APBA2: variants seen among roughly 807,000 people sequenced by gnomAD.
APBA2 encodes the protein amyloid beta precursor protein binding family A member 2, also known as amyloid-beta A4 precursor protein-binding family A member 2.
A neutral mutation model predicts 75.0 loss-of-function variants in APBA2; 30 were observed. That is an observed-to-expected ratio of 0.40 (90% confidence interval 0.30 to 0.54). The LOEUF is 0.54. Among genes scored for constraint, APBA2 ranks in the 20% least tolerant of loss-of-function variants. APBA2 has a pLI of 0.49. For missense variants in APBA2, 801 were observed against 1,016.1 expected, an observed-to-expected ratio of 0.79 and a Z score of 2.88; for synonymous variants, 444 against 409.6, an observed-to-expected ratio of 1.08 and a Z score of -1.01.
intron 3 of APBA2, among the ~76,000 whole-genome samples, chr15:29,032,260 G>A (rs1357662794): frequency 6.6e-6 from 1 of 152,218 alleles, no homozygotes; most frequent in Non-Finnish European, 1.5e-5. Context: ...ATGTTGCTGG[G>A]AAGGTAATTT....
At chr15:28,976,128 G>C (rs1260376409) in intron 2 of APBA2, among the ~76,000 whole-genome samples, 1 of 152,144 alleles carries the variant, frequency 6.6e-6, no homozygotes, top group Non-Finnish European at 1.5e-5. Context: ...TGATTCCCAG[G>C]TATGAAATTT....
At chr15:29,114,369 G>C (rs1346061290) in intron 14 of APBA2, among the ~76,000 whole-genome samples, 1 of 152,222 alleles carries the variant, frequency 6.6e-6, no homozygotes, top group Non-Finnish European at 1.5e-5. Context: ...CCCACAGCCA[G>C]GCTGCTTGCC....
intron 2 of APBA2, among the ~76,000 whole-genome samples, chr15:28,930,883 G>A (rs73366726): frequency 0.022 from 3,349 of 152,244 alleles, 154 homozygotes; most frequent in African/African-American, 0.077. Flanking sequence ...CTTCAAGGCG[G>A]CCCCAGGCTG....
intron 2 of APBA2, among the ~76,000 whole-genome samples, chr15:28,984,379 T>C (rs1243127450): frequency 6.6e-6 from 1 of 152,034 alleles, no homozygotes; most frequent in African/African-American, 2.4e-5. Flanking sequence ...GGACTATAAT[T>C]ATCCCCATTT....
At position 29,080,336 on chromosome 15, in the gene APBA2, C is replaced by T. The variant is rs183184931; in HGVS notation, c.1069+4245C>T. 2.6e-5 allele frequency among the ~76,000 whole-genome samples: 4 copies of T among 152,242 alleles called. No homozygotes were observed. The East Asian group carries it at 5.8e-4, about 22-fold the overall frequency. On this transcript the variant is annotated intron_variant, in intron 6 of 14. Transcript: ENST00000683413. The stretch of plus-strand genomic sequence containing the variant: ...ACACTGCACTGCCTGGCGACCCTCA[C>T]GCAGTGGGTGAGGAAGAACCTTCAC...
At chr15:29,013,716 C>T (rs932722638) in intron 3 of APBA2, among the ~76,000 whole-genome samples, 6 of 152,170 alleles carry the variant, frequency 3.9e-5, no homozygotes, top group South Asian at 2.1e-4. Context: ...ATCATAAAAG[C>T]GCTTGATGAA....
intron 1 of APBA2, among the ~76,000 whole-genome samples, chr15:28,896,074 C>G (rs2032465099): frequency 6.6e-6 from 1 of 152,136 alleles, no homozygotes; most frequent in Non-Finnish European, 1.5e-5. Context: ...GACTGCGTCA[C>G]TCTACTCCAA....
chr15:29,024,387 C>A (rs969552042), intron 3 of APBA2, among the ~76,000 whole-genome samples: 2 of 152,146 alleles, frequency 1.3e-5, no homozygotes, highest in African/African-American at 2.4e-5. Flanking sequence ...CAGTTGTTAC[C>A]AGAATGTCCT....
rs534569804 is a variant in APBA2 at position 28,947,241 on chromosome 15, G to A, written c.-95+25492G>A. On this transcript the variant is annotated intron_variant, in intron 2 of 14. Coordinates refer to ENST00000683413, the MANE Select transcript of APBA2 (RefSeq NM_001353788.2). ...GAAATGTCAGGTGAAATGGAAGGCA[G>A]CTCCTTGGGTGCAGTGACAGGACCT... Among the ~76,000 whole-genome samples, 220 of 152,300 alleles carry A rather than the reference G, an allele frequency of 1.4e-3. 1 individual carries two copies. The highest frequency in any genetic ancestry group is 5.1e-3 in the African/African-American group (210 of 41,566).
chr15:28,952,549 G>A (rs1482901375), intron 2 of APBA2, among the ~76,000 whole-genome samples: 1 of 152,122 alleles, frequency 6.6e-6, no homozygotes, highest in Non-Finnish European at 1.5e-5. Flanking sequence ...AGGAGTATCT[G>A]GGGTACCTGC....
At chr15:29,014,129 C>T (rs1270380144) in intron 3 of APBA2, among the ~76,000 whole-genome samples, 3 of 152,220 alleles carry the variant, frequency 2.0e-5, no homozygotes, top group African/African-American at 7.2e-5. Flanking sequence ...TCCCCACAGA[C>T]TGACAGTTTT....
chr15:29,085,022 G>T (rs1341784708), intron 6 of APBA2, among the ~76,000 whole-genome samples: 1 of 152,046 alleles, frequency 6.6e-6, no homozygotes, highest in African/African-American at 2.4e-5. Flanking sequence ...GGTGATATTA[G>T]CAACCATTAA....
chr15:28,938,340 C>T (rs932918426), intron 2 of APBA2, among the ~76,000 whole-genome samples: 4 of 152,198 alleles, frequency 2.6e-5, no homozygotes, highest in Non-Finnish European at 4.4e-5. Flanking sequence ...TGTATTTCAT[C>T]CTAAACCACA....
At chr15:28,926,782 TCTGAACATAGAATGCTAG>T in intron 2 of APBA2, among the ~76,000 whole-genome samples, 2 of 152,110 alleles carry the variant, frequency 1.3e-5, no homozygotes, top group African/African-American at 4.8e-5. Context: ...GGATACTTTT[TCTGAACATAGAATGCTAG>T]GTTGGTGGTT....
intron 3 of APBA2, among the ~76,000 whole-genome samples, chr15:29,023,657 T>C (rs1239957726): frequency 6.6e-6 from 1 of 151,888 alleles, no homozygotes; most frequent in East Asian, 1.9e-4. Flanking sequence ...AGTTTTGCCA[T>C]GTTGGCCAGG....
At chr15:28,894,702 G>A (rs2032354598) in intron 1 of APBA2, among the ~76,000 whole-genome samples, 1 of 152,158 alleles carries the variant, frequency 6.6e-6, no homozygotes, top group Non-Finnish European at 1.5e-5. Flanking sequence ...GAAGCAGATG[G>A]GCCAATAACA....
At position 29,053,942 on chromosome 15, in the gene APBA2, C is replaced by G. The variant is rs758751173; in HGVS notation, c.58C>G (p.Pro20Ala). Residue 20 changes from proline to alanine, a missense_variant, in exon 4 of 15, where the codon CCA (proline) becomes GCA (alanine). By Grantham distance (27) the Pro-to-Ala change is conservative (BLOSUM62 -1). Transcript: ENST00000683413. ...GSGMLDHRVR[P>A]GPVPHSQEPE... ...CGGCATGTTGGACCATAGGGTGAGACCAGGTCCTGTCCCTCACAGCCAGGA... is the reference window on the plus strand; with the variant it reads ...CGGCATGTTGGACCATAGGGTGAGAGCAGGTCCTGTCCCTCACAGCCAGGA... 1.2e-6 allele frequency: 2 copies of G among 1,613,914 alleles called. No individual in the cohort carries two copies. Among genetic ancestry groups the G allele is most frequent in the African/African-American group, 2.7e-5 (2 of 74,898 alleles).
intron 3 of APBA2, among the ~76,000 whole-genome samples, chr15:29,034,809 G>T (rs1341577952): frequency 6.6e-6 from 1 of 152,196 alleles, no homozygotes; most frequent in Non-Finnish European, 1.5e-5. Context: ...TGGTCTGGGG[G>T]AGGGCCCAAG....
At chr15:28,933,332 G>A (rs564316148) in intron 2 of APBA2, among the ~76,000 whole-genome samples, 1 of 150,370 alleles carries the variant, frequency 6.7e-6, no homozygotes, top group Non-Finnish European at 1.5e-5. Flanking sequence ...AGAGCCTCCC[G>A]CCCTCCACCA....
Sources: gnomAD v4.1 joint callset for allele counts (sites outside exome capture counted in the v4.1 genomes callset) on GRCh38, gnomAD v4.1.1 for gene constraint, MANE v1.5 for transcripts, NCBI Gene and HGNC (gene_info 2026-07-23, HGNC 2026-07-21) for gene names.